The following PRKN variants were observed in gnomAD, a reference collection of about 807,000 sequenced individuals.
PRKN encodes the protein parkin RBR E3 ubiquitin protein ligase, also known as E3 ubiquitin-protein ligase parkin.
PRKN carries 56 observed loss-of-function variants against 59.5 expected under a neutral mutation model. That is an observed-to-expected ratio of 0.94 (90% CI 0.76 to 1.18). PRKN has a LOEUF of 1.18. Among genes scored for constraint, PRKN ranks in the 50% most tolerant of loss-of-function variants. PRKN has a pLI of 0.00. For missense variants in PRKN, 657 were observed against 596.4 expected (o/e 1.10, Z -1.06); for synonymous variants, 250 against 222.1 (o/e 1.13, Z -1.12).
At chr6:161,890,887 G>C (rs1795317692) in intron 6 of PRKN, among the ~76,000 whole-genome samples, 2 of 152,162 alleles carry the variant, frequency 1.3e-5, no homozygotes, top group African/African-American at 4.8e-5. Flanking sequence ...CACTTCTTCA[G>C]AGGAGGACCT....
At chr6:162,542,709 T>C (rs377114399) in intron 1 of PRKN, among the ~76,000 whole-genome samples, 2 of 152,234 alleles carry the variant, frequency 1.3e-5, no homozygotes, top group African/African-American at 4.8e-5. Flanking sequence ...ATAAGTGCAA[T>C]GCATGGGGCA....
intron 2 of PRKN, among the ~76,000 whole-genome samples, chr6:162,326,296 G>T (rs572826661): frequency 6.6e-6 from 1 of 152,036 alleles, no homozygotes; most frequent in South Asian, 2.1e-4. Flanking sequence ...TATAAGTCAG[G>T]CAAAATTAAG....
chr6:162,127,370 G>T (rs557178115), intron 4 of PRKN, among the ~76,000 whole-genome samples: 1 of 152,308 alleles, frequency 6.6e-6, no homozygotes, highest in South Asian at 2.1e-4. Context: ...TAGCAAAAAG[G>T]AGCTAAAGAG....
At chr6:162,281,318 T>A (rs1780896320) in intron 2 of PRKN, among the ~76,000 whole-genome samples, 1 of 151,890 alleles carries the variant, frequency 6.6e-6, no homozygotes, top group African/African-American at 2.4e-5. Flanking sequence ...CTAATGTAAA[T>A]GATGAGCTGA....
chr6:161,502,773 T>C lies in PRKN; in HGVS notation c.1083+46081A>G, dbSNP rs139927213. 6.6e-6 allele frequency among the ~76,000 whole-genome samples: 1 copy of C among 152,288 alleles called. No homozygotes were observed. The highest frequency in any genetic ancestry group is 1.9e-4 in the East Asian group (1 of 5,180). ...GAGGGTATGAGGTGGCTCTGATCCA[T>C]GCTCTACGGTGAATGTGTGGGAAGG... On this transcript the variant is annotated intron_variant, in intron 9 of 11. Transcript: ENST00000366898. The surrounding 1 kb of genome is among the most constrained non-coding windows in gnomAD (Gnocchi z 4.0).
chr6:161,958,043 C>G (rs1432087959), intron 6 of PRKN, among the ~76,000 whole-genome samples: 2 of 152,108 alleles, frequency 1.3e-5, no homozygotes, highest in African/African-American at 4.8e-5. Context: ...AAAACAGATT[C>G]AAGTTAAGAA....
At chr6:161,751,668 C>CA (rs1562655311) in intron 7 of PRKN, among the ~76,000 whole-genome samples, 2 of 152,176 alleles carry the variant, frequency 1.3e-5, no homozygotes, top group African/African-American at 4.8e-5. Context: ...GACACTGTGA[C>CA]AAGCATGGAG....
intron 6 of PRKN, among the ~76,000 whole-genome samples, chr6:161,892,265 C>T (rs947643857): frequency 5.3e-5 from 8 of 151,760 alleles, no homozygotes; most frequent in Admixed American, 5.2e-4. Context: ...TAAAACCCTG[C>T]CTCTACAAAA....
rs533098629 is a variant in PRKN, at chr6:161,797,217, C to T, written c.735-11309G>A. 1.1e-3 allele frequency among the ~76,000 whole-genome samples: 160 copies of T among 152,220 alleles called. 1 individual carries two copies. Among genetic ancestry groups the T allele is most frequent in the Admixed American group, 4.1e-3 (62 of 15,274 alleles). On this transcript the variant is annotated intron_variant, in intron 6 of 11. Transcript: ENST00000366898. The stretch of plus-strand genomic sequence containing the variant: ...CATTCTTAAAATGAATGAATGTAAT[C>T]GTATGCTGGGTCTTTTCTTTTCTTT...
At chr6:162,629,400 T>C (rs1783017817) in intron 1 of PRKN, among the ~76,000 whole-genome samples, 1 of 152,142 alleles carries the variant, frequency 6.6e-6, no homozygotes, top group Non-Finnish European at 1.5e-5. Flanking sequence ...TTATTAACTG[T>C]AGCATGTTTT....
chr6:161,627,563 G>T (rs1199843944), intron 7 of PRKN, among the ~76,000 whole-genome samples: 1 of 152,218 alleles, frequency 6.6e-6, no homozygotes, highest in Non-Finnish European at 1.5e-5. Context: ...ACCTCCAAAG[G>T]TCTTTATTTG....
intron 4 of PRKN, among the ~76,000 whole-genome samples, chr6:162,162,667 CA>C (rs1782808400): frequency 6.6e-6 from 1 of 152,098 alleles, no homozygotes; most frequent in Non-Finnish European, 1.5e-5. Flanking sequence ...ATACACAAAA[CA>C]AGCAAGAATG....
At chr6:161,489,969 T>C (rs1184532911) in intron 9 of PRKN, among the ~76,000 whole-genome samples, 3 of 152,236 alleles carry the variant, frequency 2.0e-5, no homozygotes, top group African/African-American at 7.2e-5. Flanking sequence ...GGGCATCCAA[T>C]TTCCACAGTA....
chr6:161,348,635 A>G lies in PRKN; in HGVS notation c.*1464T>C, dbSNP rs1223745440. ...TTCATCCCCTCTCTTCCCTCCAGCA[A>G]GGATTTCAGTGCTACATCTAAAAAG... On this transcript the variant is annotated 3_prime_UTR_variant, in exon 12 of 12. Coordinates refer to ENST00000366898, the MANE Select transcript of PRKN (RefSeq NM_004562.3). This position sits in a 1 kb window ranked among gnomAD's most constrained non-coding sequence, Gnocchi z 4.9. The G allele has an allele frequency of 4.8e-6, 1 of 209,922 alleles. No homozygotes were observed. Among genetic ancestry groups the G allele is most frequent in the Non-Finnish European group, 9.7e-6 (1 of 103,324 alleles). 13.0% of individuals were successfully genotyped at this position (209,922 alleles called of 1,614,324 possible). A position where few individuals can be genotyped will look rare whatever the true frequency, so the allele number is the denominator to read the frequency against.
At chr6:161,832,053 T>G (rs1277421734) in intron 6 of PRKN, among the ~76,000 whole-genome samples, 9 of 152,238 alleles carry the variant, frequency 5.9e-5, no homozygotes, top group Non-Finnish European at 1.5e-5. Context: ...TTGGATACAT[T>G]TACCAACTGG....
intron 4 of PRKN, among the ~76,000 whole-genome samples, chr6:162,111,950 C>T (rs140332447): frequency 6.6e-5 from 10 of 152,262 alleles, no homozygotes; most frequent in Non-Finnish European, 1.5e-4. Context: ...GTTCCAGATA[C>T]AGAGAATCAA....
At chr6:162,017,014 C>T (rs1169019076) in intron 5 of PRKN, among the ~76,000 whole-genome samples, 7 of 152,150 alleles carry the variant, frequency 4.6e-5, no homozygotes, top group African/African-American at 9.7e-5. Flanking sequence ...GCCTCTCTCC[C>T]GGGCCTGCTC....
chr6:161,716,554 A>C (rs987765398), intron 7 of PRKN, among the ~76,000 whole-genome samples: 1 of 152,202 alleles, frequency 6.6e-6, no homozygotes, highest in Non-Finnish European at 1.5e-5. Context: ...CCATCTGTCA[A>C]CAGGCATTTA....
At chr6:161,683,280 C>G (rs1012737107) in intron 7 of PRKN, among the ~76,000 whole-genome samples, 35 of 152,182 alleles carry the variant, frequency 2.3e-4, no homozygotes, top group African/African-American at 8.4e-4. Context: ...AACTCAGTCT[C>G]TCTTGTTCCA....
Sources: gnomAD v4.1 joint callset for allele counts (sites outside exome capture counted in the v4.1 genomes callset) on GRCh38, gnomAD v4.1.1 for gene constraint, Gnocchi (gnomAD v3.1) non-coding constraint, MANE v1.5 for transcripts, NCBI Gene and HGNC (gene_info 2026-07-23, HGNC 2026-07-21) for gene names.